Variants in AWAT1 observed in about 807,000 individuals in gnomAD.
AWAT1 encodes the protein diacyl-glycerol acyltransferase 2.
AWAT1 carries 26 observed loss-of-function variants against 21.6 expected under a neutral mutation model. The ratio of observed to expected loss-of-function variants is 1.20; its 90% CI spans 0.88 to 1.67. The LOEUF is 1.67. Among genes scored for constraint, AWAT1 ranks in the 40% most tolerant of loss-of-function variants. The pLI is 0.00. For missense variants in AWAT1, 264 were observed against 249.4 expected, an observed-to-expected ratio of 1.06 and a Z score of -0.39; for synonymous variants, 102 against 99.3, an observed-to-expected ratio of 1.03 and a Z score of -0.16.
At chrX:70,234,927 G>T in intron 1 of AWAT1, among the ~76,000 whole-genome samples, 156 bp downstream of exon 1, 1 of 109,404 alleles carries the variant, frequency 9.1e-6, no homozygotes, top group South Asian at 4.2e-4. Flanking sequence ...TGAGTTCCAT[G>T]AGTGCCCTGG....
intron 4 of AWAT1, 94 bp from the exon 5 acceptor site, chrX:70,238,118 A>G: frequency 1.1e-6 from 1 of 897,452 alleles, no homozygotes; most frequent in Non-Finnish European, 1.6e-6. Flanking sequence ...TCCTCCTTGG[A>G]ACTATGAGAA....
rs1016071171 is a variant in AWAT1, at chrX:70,239,736, G to A, written c.634G>A (p.Ala212Thr). 5.8e-6 allele frequency: 7 copies of A among 1,208,368 alleles called. No homozygotes were observed. Among genetic ancestry groups the A allele is most frequent in the Non-Finnish European group, 7.8e-6 (7 of 892,361 alleles). Residue 212 changes from alanine to threonine, a missense_variant and splice_region_variant, in exon 6 of 7, where the codon GCT (alanine) becomes ACT (threonine). Physicochemically the swap from Ala to Thr is moderately conservative, Grantham distance 58 (BLOSUM62 0). Coordinates refer to ENST00000374521, the MANE Select transcript of AWAT1 (RefSeq NM_001013579.3). The stretch of plus-strand genomic sequence containing the variant: ...AAATAAATTGGAGTTTTCCTACAGG[G>A]CTCATCTGGTCCCCACCTTCACTTT... Reference protein sequence around the residue: ...GFVRTALQHGAHLVPTFTFGE... With the variant: ...GFVRTALQHGTHLVPTFTFGE...
Position 70,238,271 on chromosome X carries a change from C to T in AWAT1, c.520C>T (p.Leu174Phe), listed in dbSNP as rs746652134. The stretch of plus-strand genomic sequence containing the variant: ...TCTGCTGAGCCATGGCACTGGCAAC[C>T]TCGTGGGCATTGTAGTGGGAGGTGT... ...NYLLSHGTGNLVGIVVGGVGE... is the reference protein window; with the variant it reads ...NYLLSHGTGNFVGIVVGGVGE... The change falls in exon 5 of 7, where the codon CTC (leucine) becomes TTC (phenylalanine). Residue 174 changes from leucine (L) to phenylalanine (F), a missense_variant. By Grantham distance (22) the Leu-to-Phe change is conservative (BLOSUM62 0). Coordinates refer to ENST00000374521, the MANE Select transcript of AWAT1 (RefSeq NM_001013579.3). 12 of 1,211,162 alleles carry T rather than the reference C, an allele frequency of 9.9e-6. No homozygotes were observed. The highest frequency in any genetic ancestry group is 1.3e-5 in the Non-Finnish European group (12 of 895,007).
Position 70,240,237 on chromosome X carries a change from CA to C in AWAT1, c.935del (p.Gln312ArgfsTer19). The C allele has an allele frequency of 8.3e-7, 1 of 1,211,341 alleles. No homozygotes were observed. Among genetic ancestry groups the C allele is most frequent in the Non-Finnish European group, 1.1e-6 (1 of 895,196 alleles). Reference sequence around the variant, plus strand: ...GGATGCTCTGCACAAACTGTTCGACCAGCATAAGACCCACTATGGCTGCTCA... The same window carrying C: ...GGATGCTCTGCACAAACTGTTCGACCGCATAAGACCCACTATGGCTGCTCA... ...YMDALHKLFD[Q>X]HKTHYGCSET... On this transcript the variant is annotated frameshift_variant, in exon 7 of 7. Transcript: ENST00000374521. LOFTEE classifies it high-confidence loss of function.
At chrX:70,239,028 G>A (rs909401868) in intron 5 of AWAT1, among the ~76,000 whole-genome samples, 1 of 112,620 alleles carries the variant, frequency 8.9e-6, no homozygotes, top group Admixed American at 9.4e-5. Context: ...CAGACCTAGA[G>A]AAGAGGGCAG....
At chrX:70,236,702 G>T (rs183592269) in intron 3 of AWAT1, among the ~76,000 whole-genome samples, 25 of 111,452 alleles carry the variant, frequency 2.2e-4, no homozygotes, top group African/African-American at 7.5e-4. Context: ...GCACTCTTTG[G>T]AGTATACAAC....
chrX:70,236,568 G>C (rs2085515290), intron 3 of AWAT1, among the ~76,000 whole-genome samples: 2 of 111,460 alleles, frequency 1.8e-5, no homozygotes, highest in Non-Finnish European at 3.8e-5. Flanking sequence ...TCACAGACAT[G>C]GTGATATCTT....
chrX:70,235,624 A>G, intron 1 of AWAT1, 92 bp from the exon 2 acceptor site: 2 of 630,148 alleles, frequency 3.2e-6, no homozygotes, highest in Non-Finnish European at 5.4e-6. Flanking sequence ...CCAGGACCAG[A>G]GGCTTAGGTA....
At chrX:70,235,639 G>A (rs2085510925) in intron 1 of AWAT1, 77 bp from the exon 2 acceptor site, 2 of 707,533 alleles carry the variant, frequency 2.8e-6, no homozygotes, top group Admixed American at 4.4e-5. Flanking sequence ...TAGGTAATGT[G>A]GAGAGCTGGT....
At chrX:70,235,097 C>T (rs1171053930) in intron 1 of AWAT1, among the ~76,000 whole-genome samples, 1 of 110,734 alleles carries the variant, frequency 9.0e-6, no homozygotes, top group Non-Finnish European at 1.9e-5. Context: ...GGGAATGCTC[C>T]CTTATGATCA....
chrX:70,238,243 C>G lies in AWAT1; in HGVS notation c.492C>G (p.Asn164Lys), dbSNP rs1166706616. The change falls in exon 5 of 7, where the codon AAC becomes AAG. Residue 164 changes from asparagine to lysine, a missense_variant. Asn to Lys is a moderately conservative substitution (Grantham distance 94, BLOSUM62 0). Coordinates refer to ENST00000374521, the MANE Select transcript of AWAT1 (RefSeq NM_001013579.3). ...GCTCTGTGAGCCAGCCAGCCATCAA[C>G]TATCTGCTGAGCCATGGCACTGGCA... ...GVCSVSQPAINYLLSHGTGNL... is the reference protein window; with the variant it reads ...GVCSVSQPAIKYLLSHGTGNL... The G allele has an allele frequency of 2.5e-6, 3 of 1,210,016 alleles. No homozygotes were observed. In the South Asian group the frequency reaches 5.3e-5, roughly 21 times the overall value.
intron 3 of AWAT1, among the ~76,000 whole-genome samples, chrX:70,236,611 T>C (rs1227166857): frequency 2.7e-5 from 3 of 111,443 alleles, no homozygotes; most frequent in Non-Finnish European, 5.7e-5. Context: ...ACAAGTTATT[T>C]AGGCAGGCAC....
rs926029657 is a variant in AWAT1 at position 70,238,081 on chromosome X, C to G, written c.461-131C>G. The G allele has an allele frequency of 6.9e-6, 4 of 583,390 alleles. No homozygotes were observed. In the Admixed American group the frequency reaches 1.6e-4, roughly 23 times the overall value. 48.1% of individuals were successfully genotyped at this position (583,390 alleles called of 1,213,427 possible). A position where few individuals can be genotyped will look rare whatever the true frequency, so the allele number is the denominator to read the frequency against. On this transcript the variant is annotated intron_variant, in intron 4 of 6. Coordinates refer to ENST00000374521, the MANE Select transcript of AWAT1 (RefSeq NM_001013579.3). ...TGTCAACAGCCTTTTCTTCTCCACA[C>G]TCTTTAGTCCCATCTCATTGCTCCT...
chrX:70,234,851 T>C lies in AWAT1; in HGVS notation c.76+80T>C, dbSNP rs999357404. ...AGATCTAGGGTGACTTTTAGGGCCA[T>C]GTGAAGTCTCATTTTGAGCCTTTCC... On this transcript the variant is annotated intron_variant, in intron 1 of 6. Transcript: ENST00000374521. 18 of 883,865 alleles carry C rather than the reference T, an allele frequency of 2.0e-5. No individual in the cohort carries two copies. In the African/African-American group the frequency reaches 2.8e-4, roughly 14 times the overall value. The allele number at this position is 883,865 out of a possible 1,213,427, so 72.8% of individuals were successfully genotyped here. A position where few individuals can be genotyped will look rare whatever the true frequency, so the allele number is the denominator to read the frequency against.
chrX:70,239,784 C>G lies in AWAT1; in HGVS notation c.682C>G (p.Gln228Glu), dbSNP rs1158781235. 8.3e-7 allele frequency: 1 copy of G among 1,211,063 alleles called. No individual in the cohort carries two copies. Among genetic ancestry groups the G allele is most frequent in the South Asian group, 1.8e-5 (1 of 56,965 alleles). Residue 228 changes from glutamine (Q) to glutamate (E), a missense_variant, in exon 6 of 7, where the codon CAG becomes GAG. Transcript: ENST00000374521. The part of the protein sequence containing the change: ...FTFGETEVYD[Q>E]VLFHKDSRMY... ...TTTTGGGGAAACTGAGGTGTATGAT[C>G]AGGTGCTGTTCCATAAGGATAGCAG...
chrX:70,235,629 T>C, intron 1 of AWAT1, 87 bp from the exon 2 acceptor site: 8 of 648,314 alleles, frequency 1.2e-5, no homozygotes, highest in Non-Finnish European at 2.1e-5. Flanking sequence ...ACCAGAGGCT[T>C]AGGTAATGTG....
At chrX:70,237,938 C>G (rs1284502459) in intron 4 of AWAT1, among the ~76,000 whole-genome samples, 1 of 104,493 alleles carries the variant, frequency 9.6e-6, no homozygotes, top group Non-Finnish European at 1.9e-5. Flanking sequence ...AAAAAAGGTA[C>G]CATTATACAT....
chrX:70,236,262 T>A, intron 3 of AWAT1, 123 bp downstream of exon 3: 1 of 572,663 alleles, frequency 1.7e-6, no homozygotes, highest in South Asian at 2.9e-5. Context: ...CTATGCTAGA[T>A]ATACTTCAAG....
chrX:70,238,460 C>T lies in AWAT1; in HGVS notation c.632+77C>T, dbSNP rs985346664. Reference sequence around the variant, plus strand: ...CCCTGTCGGTGAGGCCAGGATGAATCAGATGTGAATTTTGCCCTCAAGGAA... The same window carrying T: ...CCCTGTCGGTGAGGCCAGGATGAATTAGATGTGAATTTTGCCCTCAAGGAA... On this transcript the variant is annotated intron_variant, in intron 5 of 6. Transcript: ENST00000374521. 4.9e-6 allele frequency: 5 copies of T among 1,011,637 alleles called. No homozygotes were observed. In the African/African-American group the frequency reaches 7.6e-5, roughly 15 times the overall value. The allele number at this position is 1,011,637 out of a possible 1,213,427, so 83.4% of individuals were successfully genotyped here.
Sources: allele counts gnomAD v4.1 joint callset (sites outside exome capture counted in the v4.1 genomes callset), GRCh38; gene constraint gnomAD v4.1.1; transcripts MANE v1.5; gene names NCBI Gene and HGNC (gene_info 2026-07-23, HGNC 2026-07-21).